Variants in SCAPER observed in about 807,000 individuals in gnomAD.
SCAPER encodes the protein S-phase cyclin A associated protein in the ER.
Under a neutral mutation model 182.2 loss-of-function variants are expected in SCAPER, and 98 were observed. The observed-to-expected ratio is 0.54, with a 90% CI of 0.46 to 0.64. SCAPER has a LOEUF of 0.64. Ranked by LOEUF, SCAPER falls within the 30% of genes least tolerant of loss-of-function variation. SCAPER has a pLI of 0.00. For synonymous variants in SCAPER, 605 were observed against 564.6 expected (o/e 1.07, Z -1.01); for missense variants, 1,432 against 1,690.0 (o/e 0.85, Z 2.68).
intron 22 of SCAPER, among the ~76,000 whole-genome samples, chr15:76,598,635 G>C (rs959917924): frequency 8.2e-6 from 1 of 121,272 alleles, no homozygotes; most frequent in African/African-American, 2.5e-5. Context: ...AAAAGGATGA[G>C]TTCATGTCCT....
chr15:76,362,663 G>A (rs906180898), intron 29 of SCAPER, among the ~76,000 whole-genome samples: 4 of 151,848 alleles, frequency 2.6e-5, no homozygotes, highest in Non-Finnish European at 5.9e-5. Flanking sequence ...TACTCACCTC[G>A]GCCTCCCAAA....
At chr15:76,402,865 T>G (rs2044559308) in intron 27 of SCAPER, among the ~76,000 whole-genome samples, 1 of 152,100 alleles carries the variant, frequency 6.6e-6, no homozygotes, top group Non-Finnish European at 1.5e-5. Flanking sequence ...GGCTCAGTTG[T>G]TTTTCCTACA....
In SCAPER at chr15:76,381,939, C is replaced by G. The variant is rs563611071; in HGVS notation, c.3468-324G>C. On this transcript the variant is annotated intron_variant, in intron 27 of 31. Coordinates refer to ENST00000563290, the MANE Select transcript of SCAPER (RefSeq NM_020843.4). ...GTATCCTGGGTCTGGGCAAAGTTGACAGAGTCTGTGAAAGCTTTTGGGACT... is the reference window on the plus strand; with the variant it reads ...GTATCCTGGGTCTGGGCAAAGTTGAGAGAGTCTGTGAAAGCTTTTGGGACT... Among the ~76,000 whole-genome samples the G allele has an allele frequency of 2.0e-5, 3 of 152,250 alleles. No homozygotes were observed. In the South Asian group the frequency reaches 6.2e-4, roughly 32 times the overall value.
intron 2 of SCAPER, among the ~76,000 whole-genome samples, chr15:76,875,831 G>C (rs184394518): frequency 6.6e-6 from 1 of 152,344 alleles, no homozygotes; most frequent in Admixed American, 6.5e-5. Flanking sequence ...TGGACCCAAA[G>C]AGTGAGCAGC....
intron 1 of SCAPER, among the ~76,000 whole-genome samples, chr15:76,894,269 G>A (rs1595938578): frequency 6.6e-6 from 1 of 151,560 alleles, no homozygotes; most frequent in African/African-American, 2.4e-5. Context: ...AAAAGACACA[G>A]ACAGATCTCA....
intron 27 of SCAPER, among the ~76,000 whole-genome samples, chr15:76,391,328 C>T (rs559788683): frequency 6.6e-6 from 1 of 152,300 alleles, no homozygotes; most frequent in South Asian, 2.1e-4. Context: ...TCTCATGTCA[C>T]TAGCTAAAAT....
chr15:76,419,243 C>T (rs1407708405), intron 26 of SCAPER, among the ~76,000 whole-genome samples: 1 of 151,566 alleles, frequency 6.6e-6, no homozygotes, highest in Non-Finnish European at 1.5e-5. Flanking sequence ...GCAGGAGAAT[C>T]GCTTGAACCC....
chr15:76,591,636 AT>A (rs908118112), intron 22 of SCAPER, among the ~76,000 whole-genome samples: 2 of 151,874 alleles, frequency 1.3e-5, no homozygotes, highest in Non-Finnish European at 2.9e-5. Context: ...TACTTTTTGC[AT>A]TTTTTTTGTA....
intron 5 of SCAPER, among the ~76,000 whole-genome samples, chr15:76,809,114 A>G (rs1238436572): frequency 6.6e-6 from 1 of 152,208 alleles, no homozygotes; most frequent in African/African-American, 2.4e-5. Context: ...CACCTAGAAT[A>G]ACTAGCTGAG....
chr15:76,393,779 T>G (rs2043864165), intron 27 of SCAPER, among the ~76,000 whole-genome samples: 1 of 152,230 alleles, frequency 6.6e-6, no homozygotes, highest in Non-Finnish European at 1.5e-5. Context: ...CTAGCTGCTC[T>G]CTCACTGCCA....
At chr15:76,771,648 T>C (rs2063476634) in intron 10 of SCAPER, 94 bp downstream of exon 10, 8 of 880,470 alleles carry the variant, frequency 9.1e-6, no homozygotes, top group South Asian at 3.6e-5. Flanking sequence ...CTTTAAAAAG[T>C]ATAAATCATA....
chr15:76,376,927 A>C (rs1022792854), intron 28 of SCAPER, among the ~76,000 whole-genome samples: 2 of 152,218 alleles, frequency 1.3e-5, no homozygotes, highest in Non-Finnish European at 2.9e-5. Context: ...CCAGACAGGC[A>C]AAGGGCTGTC....
intron 23 of SCAPER, among the ~76,000 whole-genome samples, chr15:76,549,770 G>C (rs758374061): frequency 4.0e-5 from 6 of 151,294 alleles, no homozygotes; most frequent in Non-Finnish European, 7.4e-5. Context: ...ATGAGATTAA[G>C]GAAACTAGAC....
At chr15:76,875,234 G>T (rs544972950) in intron 2 of SCAPER, among the ~76,000 whole-genome samples, 6 of 152,254 alleles carry the variant, frequency 3.9e-5, no homozygotes, top group African/African-American at 1.4e-4. Context: ...ATTTTATGAG[G>T]CCTGAAAAAC....
At chr15:76,503,747 G>A (rs1567292363) in intron 24 of SCAPER, among the ~76,000 whole-genome samples, 1 of 152,040 alleles carries the variant, frequency 6.6e-6, no homozygotes, top group Non-Finnish European at 1.5e-5. Flanking sequence ...CCTGGCAGAG[G>A]TAAAACTAGA....
chr15:76,801,072 G>GT lies in SCAPER; in HGVS notation c.495-709dup, dbSNP rs57081303. On this transcript the variant is annotated intron_variant, in intron 6 of 31. Transcript: ENST00000563290. ...TTTTTAAAAATTTCACTGGCAAATAGTATTTCATTGTCTTTGTTTTTTAAA... is the reference window on the plus strand; with the variant it reads ...TTTTTAAAAATTTCACTGGCAAATAGTTATTTCATTGTCTTTGTTTTTTAAA... Among the ~76,000 whole-genome samples, 142 of 152,280 alleles carry GT rather than the reference G, an allele frequency of 9.3e-4. 1 individual carries two copies. The East Asian group carries it at 0.017, about 18-fold the overall frequency.
chr15:76,438,186 G>A (rs1449220872), intron 25 of SCAPER, among the ~76,000 whole-genome samples: 1 of 151,254 alleles, frequency 6.6e-6, no homozygotes, highest in Non-Finnish European at 1.5e-5. Flanking sequence ...GGAGGCTGAG[G>A]CAGGAGAATT....
intron 1 of SCAPER, among the ~76,000 whole-genome samples, chr15:76,903,930 C>T (rs1044580093): frequency 2.0e-5 from 3 of 152,162 alleles, no homozygotes; most frequent in African/African-American, 7.2e-5. Context: ...GGCTGAGATT[C>T]AAACTCAAAA....
chr15:76,745,974 C>G (rs548815858), intron 15 of SCAPER, among the ~76,000 whole-genome samples: 27 of 152,248 alleles, frequency 1.8e-4, no homozygotes, highest in African/African-American at 6.3e-4. Flanking sequence ...AATTCCACTT[C>G]CAGCCATAAG....
Sources: allele counts gnomAD v4.1 joint callset (sites outside exome capture counted in the v4.1 genomes callset), GRCh38; gene constraint gnomAD v4.1.1; transcripts MANE v1.5; gene names NCBI Gene and HGNC (gene_info 2026-07-23, HGNC 2026-07-21).